The following SMAD3 variants were observed in gnomAD, a reference collection of about 807,000 sequenced individuals.
The protein encoded by SMAD3 is MAD homolog 3.
In SMAD3, 12 loss-of-function variants were observed where a neutral mutation model predicts 51.8. That is an observed-to-expected ratio of 0.23 (90% CI 0.15 to 0.38). The LOEUF (loss-of-function observed/expected upper bound fraction) is 0.38. Among genes scored for constraint, SMAD3 ranks in the 10% least tolerant of loss-of-function variants. The pLI, the probability that SMAD3 is intolerant of heterozygous loss-of-function variation, is 1.00. For synonymous variants in SMAD3, 238 were observed against 227.7 expected (o/e 1.05, Z -0.41); for missense variants, 294 against 565.6 (o/e 0.52, Z 4.87).
intron 6 of SMAD3, among the ~76,000 whole-genome samples, chr15:67,184,254 A>G (rs1963160058): frequency 1.3e-5 from 2 of 151,902 alleles, no homozygotes; most frequent in Admixed American, 1.3e-4. Context: ...AGGATATGCC[A>G]CTATGCCCAG....
In SMAD3 at chr15:67,134,985, G is replaced by A. The variant is rs1961621767; in HGVS notation, c.207-29910G>A. On this transcript the variant is annotated intron_variant, in intron 1 of 8. Coordinates refer to ENST00000327367, the MANE Select transcript of SMAD3 (RefSeq NM_005902.4). ...AGCTGGCTGCCCTTCAGCCCCCAGG[G>A]TCCTGCTGGGGAGATGTACCCAGGG... Among the ~76,000 whole-genome samples the A allele has an allele frequency of 2.0e-5, 3 of 152,286 alleles. No homozygotes were observed. In the South Asian group the frequency reaches 6.2e-4, roughly 32 times the overall value.
intron 7 of SMAD3, chr15:67,186,983 T>A (rs1389286339): frequency 4.4e-6 from 2 of 452,136 alleles, no homozygotes; most frequent in Non-Finnish European, 8.8e-6. Context: ...CTGGCCCAGG[T>A]CCCTTATCTC....
intron 5 of SMAD3, among the ~76,000 whole-genome samples, chr15:67,179,455 C>G (rs967116773): frequency 3.3e-5 from 5 of 152,154 alleles, no homozygotes; most frequent in African/African-American, 9.7e-5. Context: ...TATCTGGCCC[C>G]AGATGTCAGT....
intron 3 of SMAD3, chr15:67,166,184 C>T (rs1000953629): frequency 8.9e-6 from 9 of 1,014,154 alleles, no homozygotes; most frequent in South Asian, 8.1e-5. Context: ...GTAGCCCTGG[C>T]GTCCCGCGGG....
chr15:67,157,102 GTTACTA>G (rs72187533), intron 1 of SMAD3, among the ~76,000 whole-genome samples: 29,100 of 152,022 alleles, frequency 0.19, 3,434 homozygotes, highest in Non-Finnish European at 0.28. Context: ...CACCTCTGTT[GTTACTA>G]TTACTACTCA....
intron 1 of SMAD3, among the ~76,000 whole-genome samples, chr15:67,123,501 A>G (rs1170374790): frequency 1.3e-5 from 2 of 152,194 alleles, no homozygotes; most frequent in Non-Finnish European, 2.9e-5. Context: ...CTCCGTCTCA[A>G]AAAAAAGGAA....
At position 67,120,828 on chromosome 15, in the gene SMAD3, C is replaced by T. The variant is rs145688716; in HGVS notation, c.207-44067C>T. 4.2e-4 allele frequency among the ~76,000 whole-genome samples: 64 copies of T among 152,326 alleles called. 1 individual carries two copies. In the East Asian group the frequency reaches 0.011, roughly 26 times the overall value. ...CTTTGAATGCAGCCCAACACAAATT[C>T]ATAAACTTTCTGAAAACATTGTAAG... is the stretch of plus-strand genomic sequence containing the variant. On this transcript the variant is annotated intron_variant, in intron 1 of 8. Coordinates refer to ENST00000327367, the MANE Select transcript of SMAD3 (RefSeq NM_005902.4).
intron 1 of SMAD3, among the ~76,000 whole-genome samples, chr15:67,146,403 A>C (rs1961974551): frequency 1.3e-5 from 2 of 152,198 alleles, no homozygotes; most frequent in Admixed American, 1.3e-4. Context: ...GCCAGAGACC[A>C]GACTTTGAAG....
chr15:67,160,815 A>G (rs1349632265), intron 1 of SMAD3, among the ~76,000 whole-genome samples: 2 of 143,462 alleles, frequency 1.4e-5, no homozygotes, highest in Non-Finnish European at 3.0e-5. Flanking sequence ...AAAAAAAAGA[A>G]GATTGAATTG....
chr15:67,110,071 G>A (rs1448061273), intron 1 of SMAD3, among the ~76,000 whole-genome samples: 2 of 152,338 alleles, frequency 1.3e-5, no homozygotes, highest in African/African-American at 4.8e-5. Context: ...AAACCAGCAG[G>A]TTTCCTTTAG....
chr15:67,099,908 G>T (rs145279479), intron 1 of SMAD3, among the ~76,000 whole-genome samples: 208 of 152,330 alleles, frequency 1.4e-3, no homozygotes, highest in Non-Finnish European at 2.4e-3. Flanking sequence ...GTGGCCGGGC[G>T]CAGTGGCTTG....
At chr15:67,087,193 CCTTT>C (rs1960412635) in intron 1 of SMAD3, among the ~76,000 whole-genome samples, 1 of 152,120 alleles carries the variant, frequency 6.6e-6, no homozygotes, top group Admixed American at 6.5e-5. Context: ...AGCCTCTTCT[CCTTT>C]CTAACGTGAT....
Position 67,192,253 on chromosome 15 carries a change from T to C in SMAD3, c.*1717T>C, listed in dbSNP as rs1436683905. 6.0e-5 allele frequency: 14 copies of C among 232,834 alleles called. No homozygotes were observed. Among genetic ancestry groups the C allele is most frequent in the Non-Finnish European group, 9.4e-5 (11 of 117,558 alleles). The allele number at this position is 232,834 out of a possible 1,614,324, so 14.4% of individuals were successfully genotyped here. A position where few individuals can be genotyped will look rare whatever the true frequency, so the allele number is the denominator to read the frequency against. On this transcript the variant is annotated 3_prime_UTR_variant, in exon 9 of 9. Transcript: ENST00000327367. ...TCTGCAGGGTCCTGTGCCTCTGAAGTTCTAGCCATGAGGTTTCCAGGTAGG... is the reference window on the plus strand; with the variant it reads ...TCTGCAGGGTCCTGTGCCTCTGAAGCTCTAGCCATGAGGTTTCCAGGTAGG...
intron 5 of SMAD3, among the ~76,000 whole-genome samples, chr15:67,175,254 G>A (rs182444328): frequency 1.3e-5 from 2 of 152,310 alleles, no homozygotes; most frequent in Non-Finnish European, 2.9e-5. Context: ...GGAGAGCCCT[G>A]AGGGAGCAGT....
intron 1 of SMAD3, among the ~76,000 whole-genome samples, chr15:67,092,588 A>G (rs945613059): frequency 3.9e-5 from 6 of 152,142 alleles, no homozygotes; most frequent in Non-Finnish European, 5.9e-5. Flanking sequence ...GAGCTTGACA[A>G]TCATGATTAT....
chr15:67,158,875 G>A (rs1036207886), intron 1 of SMAD3, among the ~76,000 whole-genome samples: 3 of 152,082 alleles, frequency 2.0e-5, no homozygotes, highest in Admixed American at 1.3e-4. Context: ...TTACTTTGCC[G>A]GCCACTATCA....
At chr15:67,153,843 C>T (rs910649766) in intron 1 of SMAD3, among the ~76,000 whole-genome samples, 5 of 152,212 alleles carry the variant, frequency 3.3e-5, no homozygotes, top group Non-Finnish European at 7.3e-5. Context: ...TGTCTGCGTG[C>T]TTTACAGATA....
intron 5 of SMAD3, 92 bp from the exon 6 acceptor site, chr15:67,181,149 G>A: frequency 2.1e-6 from 2 of 956,318 alleles, no homozygotes; most frequent in Non-Finnish European, 3.3e-6. Context: ...GAAATGCGGG[G>A]AAATGGTTTT....
At chr15:67,133,612 G>A (rs1489830688) in intron 1 of SMAD3, among the ~76,000 whole-genome samples, 1 of 152,072 alleles carries the variant, frequency 6.6e-6, no homozygotes, top group East Asian at 1.9e-4. Context: ...TGCAAATTAG[G>A]AAAGGGTTGG....
Sources: gnomAD v4.1 joint callset for allele counts (sites outside exome capture counted in the v4.1 genomes callset) on GRCh38, gnomAD v4.1.1 for gene constraint, MANE v1.5 for transcripts, NCBI Gene and HGNC (gene_info 2026-07-23, HGNC 2026-07-21) for gene names.